The following SYNE1 variants were observed in gnomAD, a reference collection of about 807,000 sequenced individuals.
SYNE1 encodes the protein spectrin repeat containing nuclear envelope protein 1, also known as nesprin-1.
In SYNE1, 616 loss-of-function variants were observed where a neutral mutation model predicts 1,111.0. The ratio of observed to expected loss-of-function variants is 0.55; its 90% CI spans 0.52 to 0.59. The LOEUF (loss-of-function observed/expected upper bound fraction) is 0.59. Ranked by LOEUF, SYNE1 falls within the 20% of genes least tolerant of loss-of-function variation. SYNE1 has a pLI of 0.00. For synonymous variants in SYNE1, 3,855 were observed against 3,825.8 expected (o/e 1.01, Z -0.28); for missense variants, 10,006 against 10,417.0 (o/e 0.96, Z 1.72).
intron 129 of SYNE1, among the ~76,000 whole-genome samples, chr6:152,177,553 T>C (rs193001096): frequency 6.6e-6 from 1 of 152,334 alleles, no homozygotes; most frequent in East Asian, 1.9e-4. Context: ...CCAAGTCATT[T>C]ACCTAAGCCA....
intron 3 of SYNE1, among the ~76,000 whole-genome samples, chr6:152,609,263 C>T (rs921459761): frequency 2.0e-5 from 3 of 152,056 alleles, no homozygotes; most frequent in Admixed American, 6.5e-5. Flanking sequence ...AGGACACTCT[C>T]GCCCAAATAC....
chr6:152,451,468 A>ATT lies in SYNE1; in HGVS notation c.3028-265_3028-264dup, dbSNP rs145882121. Among the ~76,000 whole-genome samples the ATT allele has an allele frequency of 0.017, 836 of 49,876 alleles. 171 individuals carry two copies. The highest frequency in any genetic ancestry group is 0.02 in the African/African-American group (240 of 11,958). 32.7% of individuals were successfully genotyped at this position (49,876 alleles called of 152,430 possible). A position where few individuals can be genotyped will look rare whatever the true frequency, so the allele number is the denominator to read the frequency against. On this transcript the variant is annotated intron_variant, in intron 25 of 145. Transcript: ENST00000367255. Reference sequence around the variant, plus strand: ...AATTTTCACAGTAGCCCTGCACCGTATTTTTTTTTTTTTTTTTTTTTTTTT... The same window carrying ATT: ...AATTTTCACAGTAGCCCTGCACCGTATTTTTTTTTTTTTTTTTTTTTTTTTTT...
At chr6:152,290,290 C>T (rs2094538498) in intron 95 of SYNE1, among the ~76,000 whole-genome samples, 1 of 152,178 alleles carries the variant, frequency 6.6e-6, no homozygotes. Flanking sequence ...AGCATGGTGG[C>T]TCACACCTGT....
intron 128 of SYNE1, among the ~76,000 whole-genome samples, chr6:152,187,885 G>A (rs919610021): frequency 5.3e-5 from 8 of 151,858 alleles, no homozygotes; most frequent in South Asian, 2.1e-4. Context: ...GCCACCATCC[G>A]CGGCTAATTT....
chr6:152,588,210 C>T (rs1259808180), intron 3 of SYNE1, among the ~76,000 whole-genome samples: 2 of 152,112 alleles, frequency 1.3e-5, no homozygotes, highest in Non-Finnish European at 2.9e-5. Context: ...AGGTGGGCAG[C>T]AGTGAATAAA....
At chr6:152,234,871 C>T in intron 110 of SYNE1, 71 bp from the exon 111 acceptor site, 4 of 1,539,554 alleles carry the variant, frequency 2.6e-6, no homozygotes, top group Non-Finnish European at 2.7e-6. Context: ...ACGTTACTCA[C>T]CAATGCCAAC....
intron 77 of SYNE1, among the ~76,000 whole-genome samples, chr6:152,332,833 T>G (rs1282409035): frequency 1.3e-5 from 2 of 152,214 alleles, no homozygotes; most frequent in Admixed American, 1.3e-4. Flanking sequence ...TGTAGTCTTT[T>G]TTACTAAATG....
chr6:152,167,962 G>A (rs757633962), intron 130 of SYNE1: 1 of 776,798 alleles, frequency 1.3e-6, no homozygotes, highest in East Asian at 2.4e-5. Flanking sequence ...TAACTCTTGG[G>A]AGTCCACATG....
chr6:152,392,484 T>C (rs936244921), intron 51 of SYNE1, among the ~76,000 whole-genome samples: 3 of 152,194 alleles, frequency 2.0e-5, no homozygotes, highest in Admixed American at 6.5e-5. Context: ...GAGGGTAGCA[T>C]GGGATGTCTT....
chr6:152,415,998 C>A (rs902544400), intron 41 of SYNE1, among the ~76,000 whole-genome samples: 3 of 151,976 alleles, frequency 2.0e-5, no homozygotes, highest in African/African-American at 4.8e-5. Flanking sequence ...AGGGCTTCAA[C>A]ACTTAAAGGG....
chr6:152,314,372 A>G lies in SYNE1; in HGVS notation c.16710+2477T>C, dbSNP rs554305467. Among the ~76,000 whole-genome samples the G allele has an allele frequency of 1.1e-4, 17 of 152,234 alleles. No individual in the cohort carries two copies. In the South Asian group the frequency reaches 3.3e-3, roughly 30 times the overall value. On this transcript the variant is annotated intron_variant, in intron 87 of 145. Coordinates refer to ENST00000367255, the MANE Select transcript of SYNE1 (RefSeq NM_182961.4). ...GATTTCAGCATACATTTTTATCTAA[A>G]CACATTCCACAAGTAGGCTGTCATG...
chr6:152,326,353 T>G lies in SYNE1; in HGVS notation c.15236A>C (p.Glu5079Ala), dbSNP rs754194882. The change falls in exon 79 of 146, where the codon GAA becomes GCA. Residue 5079 changes from glutamate to alanine, a missense_variant. Physicochemically the swap from Glu to Ala is moderately radical, Grantham distance 107 (BLOSUM62 -1). Around this residue, in one of 7 missense-constraint regions of SYNE1, gnomAD observed 4,955 missense variants for 5,017.2 expected, o/e 0.99. Transcript: ENST00000367255. Reference sequence around the variant, plus strand: ...CCGGCTCATCCTCTGGCTCCTGAGTTCCAGAGAAGCCACTTTCTGTTCTAG... The same window carrying G: ...CCGGCTCATCCTCTGGCTCCTGAGTGCCAGAGAAGCCACTTTCTGTTCTAG... ...EDLEQKVASL[E>A]LRSQRMSRDS... is the part of the protein sequence containing the mutation. 6.2e-7 allele frequency: 1 copy of G among 1,614,170 alleles called. No homozygotes were observed. Among genetic ancestry groups the G allele is most frequent in the Non-Finnish European group, 8.5e-7 (1 of 1,180,024 alleles).
In SYNE1 at chr6:152,462,758, G is replaced by A. The variant is rs2098741805; in HGVS notation, c.2230C>T (p.Leu744=). The part of the protein sequence containing the change: ...PLEVSFMNVK[L]LIQDLEDIEQ... ...CTCACCTCCAAGTCTTGAATTAATA[G>A]CTTGACATTCATAAAAGAGACTTCT... The change falls in exon 20 of 146, where the codon CTA becomes TTA. Residue 744 remains leucine, a synonymous_variant. Coordinates refer to ENST00000367255, the MANE Select transcript of SYNE1 (RefSeq NM_182961.4). 11 of 1,613,854 alleles carry A rather than the reference G, an allele frequency of 6.8e-6. No homozygotes were observed. Among genetic ancestry groups the A allele is most frequent in the Middle Eastern group, 1.6e-4 (1 of 6,084 alleles).
At chr6:152,432,119 G>A (rs6935362) in intron 34 of SYNE1, among the ~76,000 whole-genome samples, 22,727 of 151,960 alleles carry the variant, frequency 0.15, 1,867 homozygotes, top group East Asian at 0.37. Context: ...AGAAGAAGAT[G>A]GAAGACGAAC....
intron 89 of SYNE1, 147 bp downstream of exon 89, chr6:152,310,249 C>G (rs911740998): frequency 7.8e-7 from 1 of 1,279,430 alleles, no homozygotes; most frequent in Non-Finnish European, 1.1e-6. Flanking sequence ...CGAGACCAGC[C>G]TGGCCAACAT....
intron 34 of SYNE1, chr6:152,433,587 TCAGA>T (rs1350220449): frequency 2.9e-5 from 17 of 587,454 alleles, no homozygotes; most frequent in South Asian, 2.0e-4. Flanking sequence ...AATGCACAAG[TCAGA>T]CAATGTGAAT....
chr6:152,605,649 T>C (rs1296953691), intron 3 of SYNE1, among the ~76,000 whole-genome samples: 2 of 152,172 alleles, frequency 1.3e-5, no homozygotes, highest in Admixed American at 6.5e-5. Flanking sequence ...AACTTCATCT[T>C]TGAGGCTTCA....
intron 103 of SYNE1, among the ~76,000 whole-genome samples, 191 bp from the exon 104 acceptor site, chr6:152,255,280 C>T (rs2090536367): frequency 1.3e-5 from 2 of 152,146 alleles, no homozygotes; most frequent in African/African-American, 4.8e-5. Flanking sequence ...TTACCTCATT[C>T]ACTAGTAATA....
chr6:152,149,332 G>T, intron 136 of SYNE1, 145 bp downstream of exon 136: 1 of 933,572 alleles, frequency 1.1e-6, no homozygotes, highest in Non-Finnish European at 1.6e-6. Flanking sequence ...GAAGGTGACA[G>T]CGACAATGTA....
Sources: allele counts gnomAD v4.1 joint callset (sites outside exome capture counted in the v4.1 genomes callset), GRCh38; gene constraint gnomAD v4.1.1; regional missense constraint gnomAD v4.1.1; transcripts MANE v1.5; gene names NCBI Gene and HGNC (gene_info 2026-07-23, HGNC 2026-07-21).